The following SMAD2 variants were observed in gnomAD, a reference collection of about 807,000 sequenced individuals.
The protein encoded by SMAD2 is MAD homolog 2.
SMAD2 carries 8 observed loss-of-function variants against 64.4 expected under a neutral mutation model. The observed-to-expected ratio is 0.12, with a 90% confidence interval of 0.07 to 0.22. The LOEUF (loss-of-function observed/expected upper bound fraction) is 0.22, where lower values mean the gene tolerates loss of function less well. Ranked by LOEUF, SMAD2 falls within the 10% of genes least tolerant of loss-of-function variation. The pLI is 1.00. For synonymous variants in SMAD2, 203 were observed against 195.8 expected (o/e 1.04, Z -0.31); for missense variants, 289 against 561.2 (o/e 0.51, Z 4.90).
rs894102650 is a variant in SMAD2 at position 47,816,860 on chromosome 18, T to C, written c.*24967A>G. 2.6e-5 allele frequency: 4 copies of C among 151,698 alleles called. No individual in the cohort carries two copies. Among genetic ancestry groups the C allele is most frequent in the African/African-American group, 9.7e-5 (4 of 41,246 alleles). 9.4% of individuals were successfully genotyped at this position (151,698 alleles called of 1,614,324 possible). ...TCACTGCAACCTCCACTTCTCAGGTTCAAGCCAATCTTCTGCCTCAGCCTC... is the reference window on the plus strand; with the variant it reads ...TCACTGCAACCTCCACTTCTCAGGTCCAAGCCAATCTTCTGCCTCAGCCTC... On this transcript the variant is annotated 3_prime_UTR_variant, in exon 11 of 11. Coordinates refer to ENST00000262160, the MANE Select transcript of SMAD2 (RefSeq NM_005901.6).
intron 6 of SMAD2, among the ~76,000 whole-genome samples, chr18:47,860,736 T>C (rs1158818088): frequency 6.6e-6 from 1 of 152,058 alleles, no homozygotes; most frequent in Non-Finnish European, 1.5e-5. Context: ...TAAACATAGA[T>C]GGAAAAATTC....
chr18:47,929,958 G>A (rs1457309787), intron 1 of SMAD2, among the ~76,000 whole-genome samples: 1 of 152,010 alleles, frequency 6.6e-6, no homozygotes, highest in East Asian at 1.9e-4. Flanking sequence ...GAAAACCCGA[G>A]ACTACCACTG....
chr18:47,912,152 G>A (rs974313091), intron 1 of SMAD2: 2 of 152,140 alleles, frequency 1.3e-5, no homozygotes, highest in African/African-American at 4.8e-5. Flanking sequence ...TAGGAGAGAC[G>A]AAAAATTTAG....
At chr18:47,917,032 CGTT>C (rs1373439605) in intron 1 of SMAD2, among the ~76,000 whole-genome samples, 5 of 151,880 alleles carry the variant, frequency 3.3e-5, no homozygotes, top group African/African-American at 1.2e-4. Flanking sequence ...TTTTTGTTGT[CGTT>C]GTTGAGACGG....
intron 9 of SMAD2, 38 bp downstream of exon 9, chr18:47,845,625 T>C: frequency 6.2e-7 from 1 of 1,611,390 alleles, no homozygotes; most frequent in Non-Finnish European, 8.5e-7. Context: ...ACTAAGCAAG[T>C]TGACATGATA....
rs1912918535 is a variant in SMAD2 at position 47,829,849 on chromosome 18, A to G, written c.*11978T>C. 1 of 152,260 alleles carries G rather than the reference A, an allele frequency of 6.6e-6. No homozygotes were observed. The highest frequency in any genetic ancestry group is 2.1e-4 in the South Asian group (1 of 4,834). 9.4% of individuals were successfully genotyped at this position (152,260 alleles called of 1,614,324 possible). On this transcript the variant is annotated 3_prime_UTR_variant, in exon 11 of 11. Transcript: ENST00000262160. Reference sequence around the variant, plus strand: ...CATCTGAATTCCGAAATGATAAAGAACAGGAAAATAATGACTAAGCTAACA... The same window carrying G: ...CATCTGAATTCCGAAATGATAAAGAGCAGGAAAATAATGACTAAGCTAACA...
chr18:47,834,979 C>T lies in SMAD2; in HGVS notation c.*6848G>A, dbSNP rs905794161. On this transcript the variant is annotated 3_prime_UTR_variant, in exon 11 of 11. Transcript: ENST00000262160. ...ACTGTGCTCCACCAGGAGGTCTGGCCTTGGGAAAAGATGGCGAAAGGAATA... is the reference window on the plus strand; with the variant it reads ...ACTGTGCTCCACCAGGAGGTCTGGCTTTGGGAAAAGATGGCGAAAGGAATA... The T allele has an allele frequency of 2.2e-5, 5 of 222,868 alleles. No individual in the cohort carries two copies. Among genetic ancestry groups the T allele is most frequent in the African/African-American group, 1.1e-4 (5 of 44,780 alleles). The allele number at this position is 222,868 out of a possible 1,614,324, so 13.8% of individuals were successfully genotyped here.
In SMAD2 at chr18:47,922,230, GT is replaced by G. The variant is rs571499487; in HGVS notation, c.-54+8130del. Among the ~76,000 whole-genome samples, 31 of 152,266 alleles carry G rather than the reference GT, an allele frequency of 2.0e-4. No individual in the cohort carries two copies. The East Asian group carries it at 6.0e-3, about 29-fold the overall frequency. On this transcript the variant is annotated intron_variant, in intron 1 of 10. Coordinates refer to ENST00000262160, the MANE Select transcript of SMAD2 (RefSeq NM_005901.6). The stretch of plus-strand genomic sequence containing the variant: ...ATTTTTATTTAGAAAGAAAACCAAA[GT>G]TAATTATTTCAACAAAAATACTTTA...
At chr18:47,850,100 T>C (rs1035216867) in intron 7 of SMAD2, among the ~76,000 whole-genome samples, 2 of 141,072 alleles carry the variant, frequency 1.4e-5, no homozygotes, top group African/African-American at 5.3e-5. Flanking sequence ...CTGCAGTTGG[T>C]TGAATCTGCA....
At position 47,835,351 on chromosome 18, in the gene SMAD2, T is replaced by C. The variant is rs1913319313; in HGVS notation, c.*6476A>G. The C allele has an allele frequency of 4.9e-6, 1 of 203,660 alleles. No individual in the cohort carries two copies. Among genetic ancestry groups the C allele is most frequent in the Non-Finnish European group, 1.0e-5 (1 of 99,190 alleles). 12.6% of individuals were successfully genotyped at this position (203,660 alleles called of 1,614,324 possible). A position where few individuals can be genotyped will look rare whatever the true frequency, so the allele number is the denominator to read the frequency against. Reference sequence around the variant, plus strand: ...CACAATTTTAATTAATCTGTGTGTATATTAGTTATATAAAGCAATGGATTT... The same window carrying C: ...CACAATTTTAATTAATCTGTGTGTACATTAGTTATATAAAGCAATGGATTT... On this transcript the variant is annotated 3_prime_UTR_variant, in exon 11 of 11. Coordinates refer to ENST00000262160, the MANE Select transcript of SMAD2 (RefSeq NM_005901.6).
At position 47,819,795 on chromosome 18, in the gene SMAD2, C is replaced by CAAAAAAAAAAA. The variant is rs764594290; in HGVS notation, c.*22021_*22031dup. 1.0e-5 allele frequency: 1 copy of CAAAAAAAAAAA among 97,162 alleles called. No homozygotes were observed. The highest frequency in any genetic ancestry group is 2.0e-5 in the Non-Finnish European group (1 of 51,196). 6.0% of individuals were successfully genotyped at this position (97,162 alleles called of 1,614,324 possible). ...TGGGTGACAGAGCGAGACTCCGTCT[C>CAAAAAAAAAAA]AAAAAAAAAAAAAAAAAAAAGAATT... On this transcript the variant is annotated 3_prime_UTR_variant, in exon 11 of 11. Coordinates refer to ENST00000262160, the MANE Select transcript of SMAD2 (RefSeq NM_005901.6).
In SMAD2 at chr18:47,811,329, GC is replaced by G. The variant is rs1456516815; in HGVS notation, c.*30497del. Reference sequence around the variant, plus strand: ...CACTAAAAATACAAAAATTAGCCAGGCGTGGCGGCGTGCACCTATAGTCCCA... The same window carrying G: ...CACTAAAAATACAAAAATTAGCCAGGGTGGCGGCGTGCACCTATAGTCCCA... On this transcript the variant is annotated 3_prime_UTR_variant, in exon 11 of 11. Coordinates refer to ENST00000262160, the MANE Select transcript of SMAD2 (RefSeq NM_005901.6). 6.6e-6 allele frequency: 1 copy of G among 152,280 alleles called. No homozygotes were observed. The highest frequency in any genetic ancestry group is 1.5e-5 in the Non-Finnish European group (1 of 68,180). 9.4% of individuals were successfully genotyped at this position (152,280 alleles called of 1,614,324 possible). A position where few individuals can be genotyped will look rare whatever the true frequency, so the allele number is the denominator to read the frequency against.
chr18:47,840,645 A>G lies in SMAD2; in HGVS notation c.*1182T>C, dbSNP rs1286159095. ...TATCTGCTGATCCTACCTCAGCATC[A>G]CTTTTCTAGGTATTTTGCAGAAACA... On this transcript the variant is annotated 3_prime_UTR_variant, in exon 11 of 11. Transcript: ENST00000262160. 1 of 231,668 alleles carries G rather than the reference A, an allele frequency of 4.3e-6. No individual in the cohort carries two copies. Among genetic ancestry groups the G allele is most frequent in the Non-Finnish European group, 8.5e-6 (1 of 117,176 alleles). The allele number at this position is 231,668 out of a possible 1,614,324, so 14.4% of individuals were successfully genotyped here. A position where few individuals can be genotyped will look rare whatever the true frequency, so the allele number is the denominator to read the frequency against.
At chr18:47,847,061 TA>T (rs1266727907) in intron 8 of SMAD2, among the ~76,000 whole-genome samples, 1 of 151,788 alleles carries the variant, frequency 6.6e-6, no homozygotes, top group South Asian at 2.1e-4. Context: ...AAACTAGAAA[TA>T]AAAAATTTAA....
intron 1 of SMAD2, among the ~76,000 whole-genome samples, chr18:47,921,336 T>C (rs990050430): frequency 1.3e-5 from 2 of 152,328 alleles, no homozygotes; most frequent in Admixed American, 1.3e-4. Flanking sequence ...ATAAAATCTC[T>C]GGAACACCAC....
Position 47,896,818 on chromosome 18 carries a change from A to G in SMAD2, c.-53-9T>C. 1 of 1,572,154 alleles carries G rather than the reference A, an allele frequency of 6.4e-7. No individual in the cohort carries two copies. The highest frequency in any genetic ancestry group is 8.6e-7 in the Non-Finnish European group (1 of 1,159,456). On this transcript the variant is annotated splice_polypyrimidine_tract_variant and intron_variant, in intron 1 of 10. Transcript: ENST00000262160. ...AGCCTCTTGTATCGAACCTAGCAGA[A>G]ATATTGAAAGGATGATGTAGAGACT...
At chr18:47,854,754 G>A (rs549469533) in intron 6 of SMAD2, among the ~76,000 whole-genome samples, 2 of 151,968 alleles carry the variant, frequency 1.3e-5, no homozygotes, top group African/African-American at 4.8e-5. Flanking sequence ...TGAACAGAAA[G>A]TACAAAAAGC....
intron 5 of SMAD2, among the ~76,000 whole-genome samples, chr18:47,867,697 G>C (rs186992876): frequency 1.2e-4 from 18 of 149,354 alleles, no homozygotes; most frequent in Non-Finnish European, 2.2e-4. Flanking sequence ...GAAAAGGCCA[G>C]ATATCATATC....
At chr18:47,913,844 A>T (rs945723983) in intron 1 of SMAD2, among the ~76,000 whole-genome samples, 6 of 152,254 alleles carry the variant, frequency 3.9e-5, no homozygotes, top group South Asian at 2.1e-4. Context: ...ATCTGCAAGA[A>T]TTGAAATCTA....
Sources: allele counts gnomAD v4.1 joint callset (sites outside exome capture counted in the v4.1 genomes callset), GRCh38; gene constraint gnomAD v4.1.1; transcripts MANE v1.5; gene names NCBI Gene and HGNC (gene_info 2026-07-23, HGNC 2026-07-21).